Variants in RASL12 observed in about 807,000 individuals in gnomAD.
The protein encoded by RASL12 is ras-like protein family member 12.
In RASL12, 16 loss-of-function variants were observed where a neutral mutation model predicts 22.9. The observed-to-expected ratio is 0.70, with a 90% CI of 0.47 to 1.06. RASL12 has a LOEUF of 1.06. Among genes scored for constraint, RASL12 ranks in the 50% least tolerant of loss-of-function variants. RASL12 has a pLI of 0.00. For synonymous variants in RASL12, 159 were observed against 152.2 expected (o/e 1.04, Z -0.33); for missense variants, 306 against 353.1 (o/e 0.87, Z 1.07).
chr15:65,046,461 ACT>A, the RASL12 span, among the ~76,000 whole-genome samples: 3 of 151,228 alleles, frequency 2.0e-5, no homozygotes, highest in Admixed American at 6.6e-5. Flanking sequence ...AAAGAGTGAA[ACT>A]CTGTCTCAAA....
upstream of RASL12, among the ~76,000 whole-genome samples, chr15:65,070,030 C>T (rs1300137583): frequency 6.6e-6 from 1 of 152,172 alleles, no homozygotes; most frequent in Non-Finnish European, 1.5e-5. Context: ...ACTACTTTGC[C>T]CTTCTGGGTC....
intron 2 of RASL12, among the ~76,000 whole-genome samples, chr15:65,060,689 T>C (rs867786302): frequency 6.6e-6 from 1 of 151,804 alleles, no homozygotes; most frequent in African/African-American, 2.4e-5. Flanking sequence ...CTAGTGACCC[T>C]AAAGAAGTCA....
At chr15:65,075,912 G>A (rs2086964704) in intron 1 of RASL12, among the ~76,000 whole-genome samples, 4 of 152,030 alleles carry the variant, frequency 2.6e-5, no homozygotes, top group Admixed American at 2.6e-4. Flanking sequence ...ACACCAATCA[G>A]CACCCTGAGT....
rs142151253 is a variant in RASL12 at position 65,076,134 on chromosome 15, G to T, written c.70+395C>A. On this transcript the variant is annotated intron_variant, in intron 1 of 4. Transcript: ENST00000434605. Reference sequence around the variant, plus strand: ...CTACCAATCAGCAGGATGTGAGTGGGGCCAGATAAGAGAATAAACGCAGGC... The same window carrying T: ...CTACCAATCAGCAGGATGTGAGTGGTGCCAGATAAGAGAATAAACGCAGGC... Among the ~76,000 whole-genome samples the T allele has an allele frequency of 1.7e-3, 264 of 152,346 alleles. 1 individual carries two copies. The highest frequency in any genetic ancestry group is 0.01 in the Middle Eastern group (3 of 294).
At chr15:65,064,873 C>G (rs2086857182) in intron 2 of RASL12, among the ~76,000 whole-genome samples, 1 of 152,218 alleles carries the variant, frequency 6.6e-6, no homozygotes, top group Non-Finnish European at 1.5e-5. Flanking sequence ...AGATTACAGG[C>G]ATTAGCCACC....
upstream of RASL12, chr15:65,067,992 G>T (rs1394808158): frequency 9.5e-6 from 11 of 1,157,406 alleles, no homozygotes; most frequent in Non-Finnish European, 9.6e-6. Flanking sequence ...CCAGCGGGCT[G>T]CCACCCCGCG....
chr15:65,053,784 C>T lies in RASL12; in HGVS notation c.*1115G>A. The T allele has an allele frequency of 1.0e-6, 1 of 986,258 alleles. No individual in the cohort carries two copies. Among genetic ancestry groups the T allele is most frequent in the Non-Finnish European group, 1.2e-6 (1 of 830,290 alleles). 61.1% of individuals were successfully genotyped at this position (986,258 alleles called of 1,614,324 possible). On this transcript the variant is annotated 3_prime_UTR_variant, in exon 5 of 5. Transcript: ENST00000220062. ...ACAAAATCAGACAACTACCACACTG[C>T]CTGCCTTGGACAGCCTTTTCTTGCT...
chr15:65,075,145 G>A (rs561956112), intron 1 of RASL12, among the ~76,000 whole-genome samples: 1 of 152,360 alleles, frequency 6.6e-6, no homozygotes, highest in Admixed American at 6.5e-5. Context: ...CTGGCCCCGG[G>A]CAATGAGGGA....
chr15:65,067,578 G>A (rs1297249444), intron 1 of RASL12, among the ~76,000 whole-genome samples, 155 bp downstream of exon 1: 1 of 152,180 alleles, frequency 6.6e-6, no homozygotes, highest in African/African-American at 2.4e-5. Flanking sequence ...CAGGGAAACT[G>A]AGGCAAAGAA....
upstream of RASL12, among the ~76,000 whole-genome samples, chr15:65,069,765 G>T (rs1052662299): frequency 3.9e-5 from 6 of 152,350 alleles, no homozygotes; most frequent in Middle Eastern, 3.4e-3. Context: ...CGTCAAGGAA[G>T]TGTTAGAGAA....
At chr15:65,075,777 G>GT (rs537679642) in intron 1 of RASL12, among the ~76,000 whole-genome samples, 37 of 152,080 alleles carry the variant, frequency 2.4e-4, no homozygotes, top group African/African-American at 8.9e-4. Context: ...CTCAGGGTTT[G>GT]TGAGTGCACC....
chr15:65,061,012 G>A (rs947786339), intron 2 of RASL12, among the ~76,000 whole-genome samples: 6 of 152,180 alleles, frequency 3.9e-5, no homozygotes, highest in South Asian at 4.1e-4. Context: ...TGCTTACATC[G>A]CTTTCAGATC....
At chr15:65,075,198 C>A (rs991917171) in intron 1 of RASL12, among the ~76,000 whole-genome samples, 2 of 152,210 alleles carry the variant, frequency 1.3e-5, no homozygotes, top group Admixed American at 6.5e-5. Flanking sequence ...TACTGGGTCC[C>A]CCAGCAATGC....
the RASL12 span, among the ~76,000 whole-genome samples, chr15:65,046,107 C>G: frequency 6.6e-6 from 1 of 152,176 alleles, no homozygotes; most frequent in African/African-American, 2.4e-5. Context: ...CCGAGACCAG[C>G]CTGGCCAATG....
At chr15:65,058,381 G>A (rs756956354) in intron 4 of RASL12, 46 bp downstream of exon 4, 2 of 1,399,470 alleles carry the variant, frequency 1.4e-6, no homozygotes, top group Non-Finnish European at 1.9e-6. Flanking sequence ...CCTTACAAGT[G>A]AAGAAAGCGA....
chr15:65,055,365 G>C, intron 4 of RASL12, 91 bp from the exon 5 acceptor site: 1 of 1,238,592 alleles, frequency 8.1e-7, no homozygotes, highest in Non-Finnish European at 1.1e-6. Context: ...CCATGGACTA[G>C]CTGGGTGGCC....
At position 65,058,512 on chromosome 15, in the gene RASL12, C is replaced by G; in HGVS notation, c.340G>C (p.Glu114Gln). The G allele has an allele frequency of 6.2e-7, 1 of 1,611,474 alleles. No homozygotes were observed. ...QSFDSSSSYL[E>Q]LLALHAKETQ... ...TCCTTCGCGTGCAAGGCAAGCAGCTCCAGGTAGCTGCTGCTGCTATCAAAG... is the reference window on the plus strand; with the variant it reads ...TCCTTCGCGTGCAAGGCAAGCAGCTGCAGGTAGCTGCTGCTGCTATCAAAG... The change falls in exon 4 of 5, where the codon GAG becomes CAG. Residue 114 changes from glutamate to glutamine, a missense_variant. Transcript: ENST00000220062.
intron 4 of RASL12, among the ~76,000 whole-genome samples, chr15:65,057,469 C>T (rs972056065): frequency 6.6e-6 from 1 of 152,154 alleles, no homozygotes; most frequent in Non-Finnish European, 1.5e-5. Context: ...AGTGGTGAGG[C>T]CTGGGGTCGG....
downstream of RASL12, among the ~76,000 whole-genome samples, chr15:65,052,729 C>T (rs892248719): frequency 6.6e-6 from 1 of 152,008 alleles, no homozygotes; most frequent in African/African-American, 2.4e-5. Context: ...TTGGAAGGTG[C>T]GGGGGTGGCA....
Sources: gnomAD v4.1 joint callset for allele counts (sites outside exome capture counted in the v4.1 genomes callset) on GRCh38, gnomAD v4.1.1 for gene constraint, MANE v1.5 for transcripts, NCBI Gene and HGNC (gene_info 2026-07-23, HGNC 2026-07-21) for gene names.